Variants in SEMA6D observed in about 807,000 individuals in gnomAD.
SEMA6D encodes semaphorin-6D.
SEMA6D carries 35 observed loss-of-function variants against 106.6 expected under a neutral mutation model. The observed-to-expected ratio is 0.33, with a 90% CI of 0.25 to 0.44. SEMA6D has a LOEUF of 0.44. SEMA6D is among the 20% of genes least tolerant of loss of function. The pLI is 1.00. For synonymous variants in SEMA6D, 499 were observed against 487.7 expected (o/e 1.02, Z -0.31); for missense variants, 1,185 against 1,345.9 (o/e 0.88, Z 1.87).
intron 1 of SEMA6D, among the ~76,000 whole-genome samples, chr15:47,356,347 A>G (rs2038566100): frequency 6.6e-6 from 1 of 152,218 alleles, no homozygotes; most frequent in Non-Finnish European, 1.5e-5. Context: ...TCAACAATCT[A>G]GAGACTATGT....
intron 2 of SEMA6D, among the ~76,000 whole-genome samples, chr15:47,450,415 C>T (rs994964777): frequency 3.3e-5 from 5 of 152,046 alleles, no homozygotes; most frequent in Admixed American, 6.6e-5. Flanking sequence ...ACTCACCTCA[C>T]CTTGTTAGTG....
intron 1 of SEMA6D, among the ~76,000 whole-genome samples, chr15:47,263,473 A>G (rs2034172105): frequency 6.6e-6 from 1 of 152,180 alleles, no homozygotes; most frequent in South Asian, 2.1e-4. Flanking sequence ...TCATCAGAGA[A>G]ATGCAAATCA....
intron 4 of SEMA6D, among the ~76,000 whole-genome samples, chr15:47,671,256 G>T (rs546272213): frequency 2.1e-4 from 32 of 152,244 alleles, no homozygotes; most frequent in African/African-American, 7.5e-4. Flanking sequence ...GGCAACATAG[G>T]GTTTCCAAGA....
At chr15:47,552,751 T>A (rs1312411777) in intron 3 of SEMA6D, among the ~76,000 whole-genome samples, 1 of 126,626 alleles carries the variant, frequency 7.9e-6, no homozygotes, top group Non-Finnish European at 1.6e-5. Flanking sequence ...AGAAGATAGG[T>A]TTGATATTGT....
chr15:47,487,946 T>C (rs1042264442), intron 3 of SEMA6D, among the ~76,000 whole-genome samples: 10 of 152,172 alleles, frequency 6.6e-5, no homozygotes, highest in Non-Finnish European at 1.5e-5. Flanking sequence ...GAGGCAAGAA[T>C]CTATTATCTG....
chr15:47,193,314 A>T (rs1894096119), intron 1 of SEMA6D, among the ~76,000 whole-genome samples: 1 of 152,198 alleles, frequency 6.6e-6, no homozygotes, highest in Non-Finnish European at 1.5e-5. Context: ...ATGCTCCAAG[A>T]TCTGCAACTT....
intron 1 of SEMA6D, among the ~76,000 whole-genome samples, chr15:47,207,991 G>T (rs868662271): frequency 8.1e-6 from 1 of 122,894 alleles, no homozygotes; most frequent in Non-Finnish European, 1.7e-5. Flanking sequence ...ACTGGCGCGC[G>T]CGCACACACA....
intron 1 of SEMA6D, among the ~76,000 whole-genome samples, chr15:47,740,142 C>G (rs1233280773): frequency 1.3e-5 from 2 of 152,150 alleles, no homozygotes; most frequent in Non-Finnish European, 2.9e-5. Flanking sequence ...CCAGGAACTC[C>G]TGAGGGTTTC....
chr15:47,644,220 T>C (rs879558726), intron 4 of SEMA6D, among the ~76,000 whole-genome samples: 36 of 152,322 alleles, frequency 2.4e-4, no homozygotes, highest in Middle Eastern at 3.4e-3. Context: ...TTTAAAAAAA[T>C]CAGTGTCCTG....
rs144612628 is a variant in SEMA6D at position 47,482,510 on chromosome 15, G to A, written c.-87+11965G>A. On this transcript the variant is annotated intron_variant, in intron 3 of 19. Coordinates refer to the SEMA6D transcript ENST00000558014. The stretch of plus-strand genomic sequence containing the variant: ...GCCTCATGATACCTAAATGCTGTCC[G>A]TGGTTTAGAGAAATGATACAACAAG... Among the ~76,000 whole-genome samples, 388 of 152,188 alleles carry A rather than the reference G, an allele frequency of 2.5e-3. 3 individuals carry two copies. Among genetic ancestry groups the A allele is most frequent in the African/African-American group, 8.8e-3 (367 of 41,522 alleles).
chr15:47,744,631 G>A (rs1353775153), intron 1 of SEMA6D, among the ~76,000 whole-genome samples: 5 of 152,104 alleles, frequency 3.3e-5, no homozygotes, highest in Admixed American at 6.5e-5. Context: ...GTCCACATTC[G>A]TAAGTGCCAG....
At chr15:47,361,214 G>T (rs924936746) in intron 1 of SEMA6D, among the ~76,000 whole-genome samples, 1 of 152,140 alleles carries the variant, frequency 6.6e-6, no homozygotes, top group Non-Finnish European at 1.5e-5. Flanking sequence ...TGTGGAGAGA[G>T]AAATCCCTCT....
chr15:47,528,139 CT>C (rs2044825143), intron 3 of SEMA6D, among the ~76,000 whole-genome samples: 1 of 152,198 alleles, frequency 6.6e-6, no homozygotes. Flanking sequence ...CTGTTTTAAA[CT>C]TTAATGTGGA....
At chr15:47,239,985 TATATC>T (rs1420483987) in intron 1 of SEMA6D, among the ~76,000 whole-genome samples, 1 of 152,228 alleles carries the variant, frequency 6.6e-6, no homozygotes, top group Non-Finnish European at 1.5e-5. Flanking sequence ...AAATCCTTGA[TATATC>T]ATAAATATTC....
At chr15:47,514,709 C>T (rs1302512438) in intron 3 of SEMA6D, among the ~76,000 whole-genome samples, 1 of 152,196 alleles carries the variant, frequency 6.6e-6, no homozygotes, top group Non-Finnish European at 1.5e-5. Context: ...AGTCTCCTCA[C>T]TGGTCTACCA....
intron 3 of SEMA6D, among the ~76,000 whole-genome samples, chr15:47,577,988 A>G (rs1284188978): frequency 6.6e-6 from 1 of 152,246 alleles, no homozygotes; most frequent in East Asian, 1.9e-4. Flanking sequence ...TAATTTGTGG[A>G]GACCTTTATA....
At chr15:47,524,703 C>T (rs562861089) in intron 3 of SEMA6D, among the ~76,000 whole-genome samples, 1 of 152,232 alleles carries the variant, frequency 6.6e-6, no homozygotes, top group African/African-American at 2.4e-5. Flanking sequence ...CTTCACTGCT[C>T]ATGTTTAGCA....
At chr15:47,299,466 A>G (rs1263415541) in intron 1 of SEMA6D, among the ~76,000 whole-genome samples, 1 of 152,222 alleles carries the variant, frequency 6.6e-6, no homozygotes, top group Non-Finnish European at 1.5e-5. Context: ...TTGGGTATTT[A>G]CCTTTGGCAG....
chr15:47,732,204 A>G (rs1236656603), intron 1 of SEMA6D, among the ~76,000 whole-genome samples: 1 of 152,216 alleles, frequency 6.6e-6, no homozygotes, highest in South Asian at 2.1e-4. Context: ...TGCTTAAACA[A>G]TTAGGATCGT....
Sources: gnomAD v4.1 joint callset for allele counts (sites outside exome capture counted in the v4.1 genomes callset) on GRCh38, gnomAD v4.1.1 for gene constraint, MANE v1.5 for transcripts, NCBI Gene and HGNC (gene_info 2026-07-23, HGNC 2026-07-21) for gene names.